IQGAP2: variants seen among roughly 807,000 people sequenced by gnomAD.
IQGAP2 encodes ras GTPase-activating-like protein IQGAP2.
Under a neutral mutation model 201.3 loss-of-function variants are expected in IQGAP2, and 173 were observed. The ratio of observed to expected loss-of-function variants is 0.86; its 90% confidence interval spans 0.76 to 0.98. IQGAP2 has a LOEUF of 0.98. Among genes scored for constraint, IQGAP2 ranks in the 50% least tolerant of loss-of-function variants. The probability of loss-of-function intolerance (pLI) is 0.00; values close to 1 mark genes in which losing one functional copy is unlikely to be tolerated. For missense variants in IQGAP2, 1,687 were observed against 1,864.8 expected (o/e 0.90, Z 1.76); for synonymous variants, 675 against 673.9 (o/e 1.00, Z -0.03).
At chr5:76,521,002 C>T (rs910501999) in intron 2 of IQGAP2, among the ~76,000 whole-genome samples, 53 of 152,264 alleles carry the variant, frequency 3.5e-4, no homozygotes, top group Admixed American at 1.1e-3. Context: ...CCACCACGCC[C>T]GGCCTAGGTC....
chr5:76,633,755 TG>T (rs1190669014), intron 15 of IQGAP2, among the ~76,000 whole-genome samples: 1 of 152,216 alleles, frequency 6.6e-6, no homozygotes, highest in Non-Finnish European at 1.5e-5. Context: ...TGGCCTATTT[TG>T]GACATTTCAT....
rs1406908973 is a variant in IQGAP2, at chr5:76,627,764, CT to C, written c.1612+271del. On this transcript the variant is annotated intron_variant, in intron 14 of 35. Transcript: ENST00000274364. ...TCAAATTGTATAATTGAATAAAATT[CT>C]TTTTTTCTCTTGATTTTTAGAGAAC... 2.6e-5 allele frequency among the ~76,000 whole-genome samples: 4 copies of C among 152,106 alleles called. No individual in the cohort carries two copies. In the East Asian group the frequency reaches 5.8e-4, roughly 22 times the overall value.
Position 76,463,466 on chromosome 5 carries a change from G to A in IQGAP2, c.146+1797G>A, listed in dbSNP as rs147062796. 5.9e-5 allele frequency among the ~76,000 whole-genome samples: 9 copies of A among 152,220 alleles called. No individual in the cohort carries two copies. The South Asian group carries it at 1.7e-3, about 28-fold the overall frequency. On this transcript the variant is annotated intron_variant, in intron 2 of 35. Transcript: ENST00000274364. ...GTTACTTATTGCCCTACTTATTCAT[G>A]GATTCAAGGATTTTTAAAAAATCAT... is the stretch of plus-strand genomic sequence containing the variant.
intron 2 of IQGAP2, among the ~76,000 whole-genome samples, chr5:76,501,657 T>TTC (rs1554062080): frequency 1.4e-5 from 2 of 146,764 alleles, no homozygotes; most frequent in African/African-American, 5.1e-5. Flanking sequence ...TTTTTTTTTT[T>TTC]CCTTGAGACA....
chr5:76,575,671 T>G, intron 4 of IQGAP2, 22 bp from the exon 5 acceptor site: 1 of 1,458,656 alleles, frequency 6.9e-7, no homozygotes, highest in Non-Finnish European at 9.5e-7. Context: ...ATATAATAAA[T>G]ATTGTTTCTT....
chr5:76,429,595 T>TA (rs1159902871), intron 1 of IQGAP2, among the ~76,000 whole-genome samples: 1 of 83,408 alleles, frequency 1.2e-5, no homozygotes, highest in Non-Finnish European at 3.7e-5. Flanking sequence ...TATATATATA[T>TA]ATGTATATTT....
intron 2 of IQGAP2, among the ~76,000 whole-genome samples, chr5:76,521,896 T>A (rs975323795): frequency 2.0e-5 from 3 of 152,122 alleles, no homozygotes; most frequent in African/African-American, 4.8e-5. Flanking sequence ...GGGGCCTGCT[T>A]GGAGATCAAT....
At chr5:76,411,359 T>A (rs748647371) in intron 1 of IQGAP2, among the ~76,000 whole-genome samples, 2 of 152,246 alleles carry the variant, frequency 1.3e-5, no homozygotes, top group Non-Finnish European at 2.9e-5. Context: ...ATGTTTATTT[T>A]ATAGAATTAA....
chr5:76,573,736 C>T (rs947233555), intron 4 of IQGAP2, among the ~76,000 whole-genome samples: 8 of 151,942 alleles, frequency 5.3e-5, no homozygotes, highest in African/African-American at 1.9e-4. Flanking sequence ...CTCAGCCACC[C>T]AAGTAGCTGG....
chr5:76,656,803 A>T (rs1742776778), intron 20 of IQGAP2, among the ~76,000 whole-genome samples: 1 of 152,022 alleles, frequency 6.6e-6, no homozygotes, highest in Admixed American at 6.6e-5. Flanking sequence ...GGCTTCAGCA[A>T]ATTGGGTGCT....
chr5:76,562,035 C>A (rs17680732), intron 2 of IQGAP2, among the ~76,000 whole-genome samples: 10,715 of 152,198 alleles, frequency 0.07, 797 homozygotes, highest in East Asian at 0.43. Context: ...CCAAGGGCTC[C>A]TAAACTTGGA....
chr5:76,634,563 A>C (rs895839307), intron 15 of IQGAP2, among the ~76,000 whole-genome samples: 4 of 151,854 alleles, frequency 2.6e-5, no homozygotes, highest in Non-Finnish European at 2.9e-5. Flanking sequence ...CCCAGCCCCT[A>C]CTCTCTGACT....
intron 1 of IQGAP2, among the ~76,000 whole-genome samples, chr5:76,439,774 A>T (rs1361844585): frequency 6.6e-6 from 1 of 152,176 alleles, no homozygotes; most frequent in African/African-American, 2.4e-5. Flanking sequence ...AAGAAAGCAG[A>T]TATTTGGCTT....
chr5:76,676,590 G>T (rs900331373), intron 27 of IQGAP2, among the ~76,000 whole-genome samples: 13 of 152,220 alleles, frequency 8.5e-5, no homozygotes, highest in African/African-American at 2.9e-4. Context: ...CACTTCTCTT[G>T]ATCTCTGTCA....
At chr5:76,500,153 G>A (rs1317382525) in intron 2 of IQGAP2, among the ~76,000 whole-genome samples, 1 of 151,730 alleles carries the variant, frequency 6.6e-6, no homozygotes, top group Admixed American at 6.6e-5. Flanking sequence ...ATTGAAAGGG[G>A]GAAAAAAAGC....
intron 9 of IQGAP2, among the ~76,000 whole-genome samples, chr5:76,595,318 G>A (rs961050990): frequency 6.4e-5 from 9 of 139,576 alleles, no homozygotes; most frequent in Non-Finnish European, 1.2e-4. Context: ...TAAACTCTTG[G>A]GCTCAAGTGA....
In IQGAP2 at chr5:76,562,447, A is replaced by C; in HGVS notation, c.198A>C (p.Glu66Asp). ...AATTGCCACCAACCACTGAATTGGA[A>C]GAAGGGCTCCGGAATGGAGTTTACC... ...VEELPPTTEL[E>D]EGLRNGVYLA... The change falls in exon 3 of 36, where the codon GAA becomes GAC. Residue 66 changes from glutamate (E) to aspartate (D), a missense_variant. Physicochemically the swap from Glu to Asp is conservative, Grantham distance 45 (BLOSUM62 2). Coordinates refer to ENST00000274364, the MANE Select transcript of IQGAP2 (RefSeq NM_006633.5). 2 of 1,614,044 alleles carry C rather than the reference A, an allele frequency of 1.2e-6. No individual in the cohort carries two copies. Among genetic ancestry groups the C allele is most frequent in the Non-Finnish European group, 1.7e-6 (2 of 1,179,918 alleles).
intron 28 of IQGAP2, among the ~76,000 whole-genome samples, chr5:76,681,419 TG>T (rs1292704752): frequency 6.6e-6 from 1 of 151,992 alleles, no homozygotes; most frequent in Non-Finnish European, 1.5e-5. Flanking sequence ...CTTTAACAGA[TG>T]TTTTTCCAGA....
At chr5:76,533,181 C>G (rs1759416208) in intron 2 of IQGAP2, among the ~76,000 whole-genome samples, 1 of 151,720 alleles carries the variant, frequency 6.6e-6, no homozygotes, top group African/African-American at 2.4e-5. Flanking sequence ...TTTTTTTTAA[C>G]TCACTTTGGT....
Sources: gnomAD v4.1 joint callset for allele counts (sites outside exome capture counted in the v4.1 genomes callset) on GRCh38, gnomAD v4.1.1 for gene constraint, MANE v1.5 for transcripts, NCBI Gene and HGNC (gene_info 2026-07-23, HGNC 2026-07-21) for gene names.